The following FANCI variants were observed in gnomAD, a reference collection of about 807,000 sequenced individuals.
FANCI encodes FA complementation group I.
In FANCI, 156 loss-of-function variants were observed where a neutral mutation model predicts 176.1. The observed-to-expected ratio is 0.89, with a 90% CI of 0.78 to 1.01. The LOEUF is 1.01. Ranked by LOEUF, FANCI falls within the 50% of genes least tolerant of loss-of-function variation. The pLI is 0.00. For missense variants in FANCI, 1,678 were observed against 1,534.1 expected (o/e 1.09, Z -1.57); for synonymous variants, 613 against 541.7 (o/e 1.13, Z -1.83).
intron 3 of FANCI, among the ~76,000 whole-genome samples, chr15:89,260,110 CTTG>C (rs1273195602): frequency 1.3e-5 from 2 of 151,904 alleles, no homozygotes; most frequent in African/African-American, 2.4e-5. Flanking sequence ...CTCATCAACA[CTTG>C]TTATTATCTT....
chr15:89,258,778 TA>T lies in FANCI; in HGVS notation c.157+4del. 2 of 1,594,542 alleles carry T rather than the reference TA, an allele frequency of 1.3e-6. No individual in the cohort carries two copies. Among genetic ancestry groups the T allele is most frequent in the Non-Finnish European group, 1.7e-6 (2 of 1,162,338 alleles). On this transcript the variant is annotated splice_donor_region_variant and intron_variant, in intron 3 of 37. Transcript: ENST00000310775. ...CACTCCTGAGAGCCATCTTCAAAGG[TA>T]ATAATAATTAATGTCACTTCTGTCT...
At chr15:89,299,533 T>A (rs2054448378) in intron 24 of FANCI, among the ~76,000 whole-genome samples, 2 of 152,208 alleles carry the variant, frequency 1.3e-5, no homozygotes, top group African/African-American at 4.8e-5. Flanking sequence ...GATAACCATT[T>A]TTGTATGATG....
chr15:89,301,199 C>G (rs1328881990), intron 26 of FANCI, 127 bp from the exon 27 acceptor site: 1 of 768,764 alleles, frequency 1.3e-6, no homozygotes, highest in Non-Finnish European at 2.4e-6. Flanking sequence ...AGATTTTATC[C>G]TCTTAGAATT....
At chr15:89,296,858 C>A (rs1239489643) in intron 24 of FANCI, among the ~76,000 whole-genome samples, 2 of 148,386 alleles carry the variant, frequency 1.3e-5, no homozygotes, top group African/African-American at 2.5e-5. Flanking sequence ...GGCAGAGGGG[C>A]TCCTCACTTC....
chr15:89,286,366 TA>T (rs2053817673), intron 18 of FANCI, among the ~76,000 whole-genome samples: 1 of 152,218 alleles, frequency 6.6e-6, no homozygotes, highest in Admixed American at 6.5e-5. Context: ...AACGTCTGAT[TA>T]AATCACTAGT....
intron 3 of FANCI, 69 bp downstream of exon 3, chr15:89,258,845 T>A (rs1471423442): frequency 8.1e-7 from 1 of 1,230,860 alleles, no homozygotes; most frequent in Non-Finnish European, 1.2e-6. Context: ...GTTTTCGTAC[T>A]TTTCTTACGG....
chr15:89,305,733 C>G, intron 31 of FANCI, 35 bp downstream of exon 31: 1 of 1,595,792 alleles, frequency 6.3e-7, no homozygotes, highest in Non-Finnish European at 8.6e-7. Flanking sequence ...CAGGAATTGA[C>G]ATGAGCAAGG....
At position 89,276,700 on chromosome 15, in the gene FANCI, T is replaced by C. The variant is rs112986525; in HGVS notation, c.1113-11T>C. On this transcript the variant is annotated splice_polypyrimidine_tract_variant and intron_variant, in intron 12 of 37. Transcript: ENST00000310775. The stretch of plus-strand genomic sequence containing the variant: ...GTTTTTCTTTTTTAACTAAGCTTTG[T>C]GTTCTTGTAGCGTTCATAGCTGGGA... The C allele has an allele frequency of 3.0e-5, 48 of 1,614,034 alleles. No individual in the cohort carries two copies. The Middle Eastern group carries it at 9.9e-4, about 33-fold the overall frequency.
At chr15:89,301,198 C>T (rs1187507551) in intron 26 of FANCI, 128 bp from the exon 27 acceptor site, 3 of 765,216 alleles carry the variant, frequency 3.9e-6, no homozygotes, top group South Asian at 2.8e-5. Context: ...CAGATTTTAT[C>T]CTCTTAGAAT....
Position 89,300,350 on chromosome 15 carries a change from A to G in FANCI, c.2854A>G (p.Thr952Ala). The G allele has an allele frequency of 1.2e-6, 2 of 1,614,054 alleles. No homozygotes were observed. Among genetic ancestry groups the G allele is most frequent in the Non-Finnish European group, 1.7e-6 (2 of 1,179,930 alleles). The change falls in exon 26 of 38, where the codon ACT (threonine) becomes GCT (alanine). Residue 952 changes from threonine to alanine, a missense_variant. By Grantham distance (58) the Thr-to-Ala change is moderately conservative. Coordinates refer to ENST00000310775, the MANE Select transcript of FANCI (RefSeq NM_001113378.2). ...GAGAGAAGATGCAGATGTCAGTGTCACTCAGAGAACAGCATTCCAGATCCG... is the reference window on the plus strand; with the variant it reads ...GAGAGAAGATGCAGATGTCAGTGTCGCTCAGAGAACAGCATTCCAGATCCG... ...EEREDADVSV[T>A]QRTAFQIRQF...
In FANCI at chr15:89,290,081, G is replaced by A; in HGVS notation, c.1822-132G>A. 5 of 748,518 alleles carry A rather than the reference G, an allele frequency of 6.7e-6. No individual in the cohort carries two copies. In the South Asian group the frequency reaches 7.3e-5, roughly 11 times the overall value. 46.4% of individuals were successfully genotyped at this position (748,518 alleles called of 1,614,324 possible). ...ATGGTCATTTATATTAGGGCATTTAGGACTGTCAAATATGGTCTCAATAGG... is the reference window on the plus strand; with the variant it reads ...ATGGTCATTTATATTAGGGCATTTAAGACTGTCAAATATGGTCTCAATAGG... On this transcript the variant is annotated intron_variant, in intron 18 of 37. Coordinates refer to ENST00000310775, the MANE Select transcript of FANCI (RefSeq NM_001113378.2).
intron 9 of FANCI, among the ~76,000 whole-genome samples, chr15:89,266,977 G>A (rs1402956536): frequency 6.6e-6 from 1 of 151,830 alleles, no homozygotes; most frequent in African/African-American, 2.4e-5. Flanking sequence ...AGACTGGAAG[G>A]GACTAAAGCC....
intron 35 of FANCI, 152 bp downstream of exon 35, chr15:89,313,124 G>T (rs1291749733): frequency 2.6e-6 from 2 of 781,736 alleles, no homozygotes; most frequent in Non-Finnish European, 4.4e-6. Flanking sequence ...AACTAGATTA[G>T]TGGTAGCGTA....
chr15:89,310,398 C>T lies in FANCI; in HGVS notation c.3652-2506C>T, dbSNP rs563568203. On this transcript the variant is annotated intron_variant, in intron 34 of 37. Coordinates refer to ENST00000310775, the MANE Select transcript of FANCI (RefSeq NM_001113378.2). ...TAAAATGTTGGAAGGTTTTGATTTTCGTGTTTCTGACCCCATTTTCAAGCA... is the reference window on the plus strand; with the variant it reads ...TAAAATGTTGGAAGGTTTTGATTTTTGTGTTTCTGACCCCATTTTCAAGCA... Among the ~76,000 whole-genome samples, 7 of 152,296 alleles carry T rather than the reference C, an allele frequency of 4.6e-5. No individual in the cohort carries two copies. In the South Asian group the frequency reaches 1.0e-3, roughly 23 times the overall value.
chr15:89,249,818 A>C (rs2052159358), intron 2 of FANCI, among the ~76,000 whole-genome samples: 1 of 152,232 alleles, frequency 6.6e-6, no homozygotes, highest in Non-Finnish European at 1.5e-5. Context: ...TACAGAGCTG[A>C]GGATAACTAA....
chr15:89,280,736 A>T (rs1234924392), intron 14 of FANCI, among the ~76,000 whole-genome samples: 3 of 152,228 alleles, frequency 2.0e-5, no homozygotes, highest in Non-Finnish European at 4.4e-5. Context: ...TTAATTCTTT[A>T]AAAAAATTTT....
At chr15:89,281,904 C>A in intron 16 of FANCI, 69 bp downstream of exon 16, 1 of 1,354,404 alleles carries the variant, frequency 7.4e-7, no homozygotes, top group South Asian at 1.2e-5. Context: ...TTATCTCTGC[C>A]ATCTCCTAGT....
intron 2 of FANCI, among the ~76,000 whole-genome samples, chr15:89,252,933 C>CTA (rs1406386049): frequency 6.6e-6 from 1 of 152,090 alleles, no homozygotes; most frequent in Admixed American, 6.5e-5. Context: ...TCCCATTGAG[C>CTA]TATATATATA....
chr15:89,264,606 G>A lies in FANCI; in HGVS notation c.754G>A (p.Glu252Lys), dbSNP rs776911782. Reference protein sequence around the residue: ...KQHNEEQSGDELLDVVTVPSG... With the variant: ...KQHNEEQSGDKLLDVVTVPSG... ...GCACAATGAGGAACAGAGTGGTGAC[G>A]AGTGAGTAATATAGTGTAGAAATAA... The change falls in exon 9 of 38, where the codon GAG becomes AAG. Residue 252 changes from glutamate (E) to lysine (K), a missense_variant and splice_region_variant. Around this residue, in one of 3 missense-constraint regions of FANCI, gnomAD observed 469 missense variants for 436.9 expected, o/e 1.07. Transcript: ENST00000310775. 1.5e-5 allele frequency: 24 copies of A among 1,610,132 alleles called. No individual in the cohort carries two copies. In the South Asian group the frequency reaches 1.9e-4, roughly 13 times the overall value.
Sources: gnomAD v4.1 joint callset for allele counts (sites outside exome capture counted in the v4.1 genomes callset) on GRCh38, gnomAD v4.1.1 for gene constraint, gnomAD v4.1.1 regional missense constraint, MANE v1.5 for transcripts, NCBI Gene and HGNC (gene_info 2026-07-23, HGNC 2026-07-21) for gene names.